CUL3: variants seen among roughly 807,000 people sequenced by gnomAD.
The protein encoded by CUL3 is cullin 3, also known as cullin-3.
CUL3 carries 19 observed loss-of-function variants against 89.1 expected under a neutral mutation model. The ratio of observed to expected loss-of-function variants is 0.21; its 90% CI spans 0.15 to 0.31. CUL3 has a LOEUF of 0.31. CUL3 is among the 10% of genes least tolerant of loss of function. CUL3 has a pLI of 1.00. For missense variants in CUL3, 469 were observed against 942.3 expected, an observed-to-expected ratio of 0.50 and a Z score of 6.58; for synonymous variants, 351 against 308.4, an observed-to-expected ratio of 1.14 and a Z score of -1.45.
intron 2 of CUL3, among the ~76,000 whole-genome samples, chr2:224,536,218 ACT>A (rs1318311420): frequency 1.3e-5 from 2 of 152,134 alleles, no homozygotes; most frequent in Non-Finnish European, 2.9e-5. Flanking sequence ...CTCCGTAAAC[ACT>A]CTATAATAAA....
chr2:224,530,166 A>C (rs1229220810), intron 3 of CUL3, among the ~76,000 whole-genome samples: 1 of 151,920 alleles, frequency 6.6e-6, no homozygotes, highest in Non-Finnish European at 1.5e-5. Context: ...GTGAACCCGG[A>C]AGGCAGAGCT....
At chr2:224,579,678 A>G (rs1057029429) in intron 1 of CUL3, among the ~76,000 whole-genome samples, 2 of 152,196 alleles carry the variant, frequency 1.3e-5, no homozygotes, top group Admixed American at 1.3e-4. Flanking sequence ...TGGGCATTTT[A>G]TCATAACACT....
chr2:224,522,680 T>A (rs1693311946), intron 3 of CUL3, among the ~76,000 whole-genome samples: 1 of 151,952 alleles, frequency 6.6e-6, no homozygotes, highest in African/African-American at 2.4e-5. Flanking sequence ...TACAAAAAAA[T>A]TAGCCAGGCG....
At chr2:224,566,915 T>G (rs1023665601) in intron 1 of CUL3, among the ~76,000 whole-genome samples, 1 of 151,960 alleles carries the variant, frequency 6.6e-6, no homozygotes, top group African/African-American at 2.4e-5. Flanking sequence ...CAAACTTCCT[T>G]TTAACAATGG....
intron 13 of CUL3, among the ~76,000 whole-genome samples, chr2:224,494,505 ATGAC>A (rs1380532206): frequency 3.3e-5 from 5 of 152,320 alleles, no homozygotes; most frequent in East Asian, 1.9e-4. Flanking sequence ...AAAGAGAAAA[ATGAC>A]TGCACTATCA....
At chr2:224,559,086 T>C (rs1694823716) in intron 1 of CUL3, among the ~76,000 whole-genome samples, 1 of 151,092 alleles carries the variant, frequency 6.6e-6, no homozygotes, top group African/African-American at 2.4e-5. Context: ...CTCCTCCCCT[T>C]AGTAATCACA....
At chr2:224,515,414 T>C (rs1335804609) in intron 3 of CUL3, among the ~76,000 whole-genome samples, 1 of 152,208 alleles carries the variant, frequency 6.6e-6, no homozygotes, top group African/African-American at 2.4e-5. Flanking sequence ...CAAAATACAC[T>C]GAAATAAAAC....
At position 224,485,613 on chromosome 2, in the gene CUL3, C is replaced by T. The variant is rs1018847053; in HGVS notation, c.1843-3535G>A. Among the ~76,000 whole-genome samples the T allele has an allele frequency of 3.9e-5, 6 of 152,324 alleles. No individual in the cohort carries two copies. Among genetic ancestry groups the T allele is most frequent in the East Asian group, 1.9e-4 (1 of 5,188 alleles). On this transcript the variant is annotated intron_variant, in intron 13 of 15. Coordinates refer to ENST00000264414, the MANE Select transcript of CUL3 (RefSeq NM_003590.5). The surrounding 1 kb of genome is among the most constrained non-coding windows in gnomAD (Gnocchi z 4.1). ...GAAAGAAAGGCAGCAGCCTGAGTCA[C>T]GGGCTTGTAAATAAAACTCCCATCT...
chr2:224,584,036 A>G (rs1482066984), intron 1 of CUL3, among the ~76,000 whole-genome samples: 1 of 152,214 alleles, frequency 6.6e-6, no homozygotes, highest in East Asian at 1.9e-4. Context: ...TTAACAGTAC[A>G]TTTTAATTGC....
intron 6 of CUL3, among the ~76,000 whole-genome samples, chr2:224,510,718 T>C (rs551069942): frequency 3.9e-5 from 6 of 152,326 alleles, no homozygotes; most frequent in Non-Finnish European, 8.8e-5. Context: ...TCTTCTAGGA[T>C]ACTTGTCACA....
intron 11 of CUL3, 87 bp from the exon 12 acceptor site, chr2:224,497,936 T>TTGTGTGTG (rs113318501): frequency 5.4e-6 from 5 of 923,172 alleles, no homozygotes; most frequent in East Asian, 5.2e-5. Flanking sequence ...CCTTAAACAT[T>TTGTGTGTG]TGTGTGTGTG....
intron 14 of CUL3, among the ~76,000 whole-genome samples, chr2:224,481,522 T>C (rs951546288): frequency 6.6e-6 from 1 of 152,076 alleles, no homozygotes; most frequent in African/African-American, 2.4e-5. Flanking sequence ...CATCAAACTT[T>C]TATATAGGTC....
At chr2:224,532,721 T>C (rs531242124) in intron 3 of CUL3, among the ~76,000 whole-genome samples, 2 of 152,206 alleles carry the variant, frequency 1.3e-5, no homozygotes, top group Admixed American at 6.5e-5. Context: ...TTAACAGAAT[T>C]GTATTCTGAG....
intron 2 of CUL3, among the ~76,000 whole-genome samples, chr2:224,544,808 A>C (rs979694445): frequency 6.6e-6 from 1 of 151,694 alleles, no homozygotes; most frequent in Non-Finnish European, 1.5e-5. Context: ...GACAGCTGAC[A>C]GAACTGTTTG....
chr2:224,499,382 A>C, intron 11 of CUL3: 1 of 238,766 alleles, frequency 4.2e-6, no homozygotes, highest in Non-Finnish European at 9.4e-6. Context: ...AATCATTAAG[A>C]CTAAGGTGAA....
rs1263060692 is a variant in CUL3, at chr2:224,470,979, C to CA, written c.*3265dup. The CA allele has an allele frequency of 4.4e-6, 1 of 228,478 alleles. No individual in the cohort carries two copies. Among genetic ancestry groups the CA allele is most frequent in the African/African-American group, 2.2e-5 (1 of 45,106 alleles). The allele number at this position is 228,478 out of a possible 1,614,324, so 14.2% of individuals were successfully genotyped here. A position where few individuals can be genotyped will look rare whatever the true frequency, so the allele number is the denominator to read the frequency against. ...ACCTTGGACAACACTGGTATAATGA[C>CA]AGTTATGTCACATAAAGCCAATATG... On this transcript the variant is annotated 3_prime_UTR_variant, in exon 16 of 16. Coordinates refer to ENST00000264414, the MANE Select transcript of CUL3 (RefSeq NM_003590.5).
chr2:224,509,062 C>T (rs1300630451), intron 6 of CUL3, among the ~76,000 whole-genome samples: 1 of 151,794 alleles, frequency 6.6e-6, no homozygotes, highest in East Asian at 1.9e-4. Context: ...AACTGTTTTT[C>T]ATTTTCTGAT....
intron 3 of CUL3, among the ~76,000 whole-genome samples, chr2:224,522,985 A>G (rs1460876188): frequency 6.6e-6 from 1 of 152,248 alleles, no homozygotes; most frequent in East Asian, 1.9e-4. Context: ...ACTGCAATAA[A>G]TCATAAAATA....
intron 14 of CUL3, chr2:224,479,459 G>A (rs1691448931): frequency 6.6e-6 from 1 of 152,092 alleles, no homozygotes; most frequent in African/African-American, 2.4e-5. Context: ...AGAGGTACTG[G>A]TTTAAATGAA....
Sources: gnomAD v4.1 joint callset for allele counts (sites outside exome capture counted in the v4.1 genomes callset) on GRCh38, gnomAD v4.1.1 for gene constraint, Gnocchi (gnomAD v3.1) non-coding constraint, MANE v1.5 for transcripts, NCBI Gene and HGNC (gene_info 2026-07-23, HGNC 2026-07-21) for gene names.